FOXN3: variants seen among roughly 807,000 people sequenced by gnomAD.
The protein encoded by FOXN3 is forkhead box protein N3.
A neutral mutation model predicts 38.4 loss-of-function variants in FOXN3; 7 were observed. That is an observed-to-expected ratio of 0.18 (90% CI 0.10 to 0.34). The LOEUF (loss-of-function observed/expected upper bound fraction) is 0.34. Among genes scored for constraint, FOXN3 ranks in the 10% least tolerant of loss-of-function variants. FOXN3 has a pLI of 1.00. For synonymous variants in FOXN3, 230 were observed against 242.2 expected (o/e 0.95, Z 0.47); for missense variants, 456 against 613.4 (o/e 0.74, Z 2.71).
rs1328652289 is a variant in FOXN3 at position 89,337,634 on chromosome 14, TTC to T, written c.680+13036_680+13037del. On this transcript the variant is annotated intron_variant, in intron 3 of 5. Transcript: ENST00000557258. ...CAGCACATTTGCATTCTCTTTTCTT[TTC>T]TTTTTTTTTTTTGAGACGGAGTCTT... Among the ~76,000 whole-genome samples the T allele has an allele frequency of 1.5e-4, 10 of 68,172 alleles. No individual in the cohort carries two copies. In the East Asian group the frequency reaches 2.7e-3, roughly 18 times the overall value. The allele number at this position is 68,172 out of a possible 152,430, so 44.7% of individuals were successfully genotyped here. A position where few individuals can be genotyped will look rare whatever the true frequency, so the allele number is the denominator to read the frequency against.
At chr14:89,573,151 G>A (rs1041648347) in intron 1 of FOXN3, among the ~76,000 whole-genome samples, 1 of 152,188 alleles carries the variant, frequency 6.6e-6, no homozygotes, top group East Asian at 1.9e-4. Context: ...TGCTGCCAAA[G>A]GAAATGAGAA....
At chr14:89,325,289 C>A (rs370869604) in intron 3 of FOXN3, among the ~76,000 whole-genome samples, 14 of 128,732 alleles carry the variant, frequency 1.1e-4, no homozygotes, top group Non-Finnish European at 1.5e-4. Context: ...AACACCAACA[C>A]CACCAACACC....
chr14:89,166,262 G>A (rs1352427817), intron 5 of FOXN3, among the ~76,000 whole-genome samples: 1 of 152,184 alleles, frequency 6.6e-6, no homozygotes, highest in Non-Finnish European at 1.5e-5. Context: ...TAAACAGGGA[G>A]ATTAGCAGCA....
chr14:89,272,410 A>T (rs1353468116), intron 4 of FOXN3, among the ~76,000 whole-genome samples: 4 of 149,684 alleles, frequency 2.7e-5, no homozygotes, highest in Non-Finnish European at 5.9e-5. Context: ...CACTTCAATT[A>T]AAAAAAAAGG....
At chr14:89,502,152 A>C (rs1893814667) in intron 1 of FOXN3, among the ~76,000 whole-genome samples, 1 of 152,176 alleles carries the variant, frequency 6.6e-6, no homozygotes, top group Admixed American at 6.5e-5. Flanking sequence ...ACAAAGCAAG[A>C]CTCCACCTCA....
At position 89,413,948 on chromosome 14, in the gene FOXN3, G is replaced by A. The variant is rs577157290; in HGVS notation, c.-14-1458C>T. ...AAGAAGCGGGAGGGGGAGGAGAAGG[G>A]GGAGGAGGAGGAGGGATGGAGGAGG... On this transcript the variant is annotated intron_variant, in intron 1 of 5. Transcript: ENST00000557258. Among the ~76,000 whole-genome samples, 54 of 136,316 alleles carry A rather than the reference G, an allele frequency of 4.0e-4. 1 individual carries two copies. In the South Asian group the frequency reaches 0.014, roughly 34 times the overall value. The allele number at this position is 136,316 out of a possible 152,430, so 89.4% of individuals were successfully genotyped here.
chr14:89,252,410 T>C (rs1421479506), intron 4 of FOXN3, among the ~76,000 whole-genome samples: 1 of 152,102 alleles, frequency 6.6e-6, no homozygotes, highest in Non-Finnish European at 1.5e-5. Context: ...ATCCCAGCAC[T>C]TTGGGAGGCC....
chr14:89,342,882 C>A (rs546982248), intron 3 of FOXN3, among the ~76,000 whole-genome samples: 1 of 152,120 alleles, frequency 6.6e-6, no homozygotes, highest in Non-Finnish European at 1.5e-5. Flanking sequence ...ATATGAGGGG[C>A]ATTTAAAAAA....
intron 1 of FOXN3, among the ~76,000 whole-genome samples, chr14:89,494,758 T>C (rs767256875): frequency 4.6e-5 from 7 of 152,194 alleles, no homozygotes; most frequent in Non-Finnish European, 7.4e-5. Context: ...AACCCAATAG[T>C]TTTAATTAGG....
rs553584044 is a variant in FOXN3, at chr14:89,503,127, G to A, written c.-14-90637C>T. ...ACAGCAGACACAGCCATTTGAAGAC[G>A]ACAAAGGCTCCTCCCTCCACCCAAA... On this transcript the variant is annotated intron_variant, in intron 1 of 6. Coordinates refer to the FOXN3 transcript ENST00000345097. Among the ~76,000 whole-genome samples the A allele has an allele frequency of 6.6e-5, 10 of 152,206 alleles. No individual in the cohort carries two copies. The East Asian group carries it at 7.7e-4, about 12-fold the overall frequency.
At chr14:89,432,899 T>C (rs577304039) in intron 1 of FOXN3, among the ~76,000 whole-genome samples, 1 of 152,264 alleles carries the variant, frequency 6.6e-6, no homozygotes, top group East Asian at 1.9e-4. Context: ...CAGGTCGGTC[T>C]CAAACTCCTG....
At chr14:89,495,139 T>C (rs1035321016) in intron 1 of FOXN3, among the ~76,000 whole-genome samples, 4 of 152,202 alleles carry the variant, frequency 2.6e-5, no homozygotes, top group African/African-American at 9.6e-5. Flanking sequence ...AATTACATCA[T>C]ATCCCTTGGG....
chr14:89,314,312 A>C (rs1337596576), intron 3 of FOXN3, among the ~76,000 whole-genome samples: 4 of 152,216 alleles, frequency 2.6e-5, no homozygotes, highest in African/African-American at 9.6e-5. Context: ...AATACACTAC[A>C]AAACGATAAA....
At chr14:89,547,151 G>A (rs1307926165) in intron 1 of FOXN3, among the ~76,000 whole-genome samples, 1 of 152,202 alleles carries the variant, frequency 6.6e-6, no homozygotes, top group Non-Finnish European at 1.5e-5. Context: ...TCAGATTGCT[G>A]ATGGGAATGT....
chr14:89,353,797 T>A (rs1889079494), intron 2 of FOXN3: 1 of 152,168 alleles, frequency 6.6e-6, no homozygotes, highest in African/African-American at 2.4e-5. Context: ...TGATGTGATA[T>A]CGGCTCACTG....
chr14:89,366,506 T>TA (rs949674869), intron 2 of FOXN3, among the ~76,000 whole-genome samples: 7 of 152,178 alleles, frequency 4.6e-5, no homozygotes, highest in Non-Finnish European at 1.0e-4. Flanking sequence ...GTGCCTTTTT[T>TA]AAAAAAAAGT....
intron 2 of FOXN3, among the ~76,000 whole-genome samples, chr14:89,363,861 T>C (rs1251200839): frequency 1.3e-5 from 2 of 150,666 alleles, no homozygotes; most frequent in Non-Finnish European, 2.9e-5. Context: ...GGAGGACTGC[T>C]TGAGCCTAGG....
intron 3 of FOXN3, among the ~76,000 whole-genome samples, chr14:89,348,119 C>T (rs1888822881): frequency 6.6e-6 from 1 of 151,940 alleles, no homozygotes; most frequent in African/African-American, 2.4e-5. Flanking sequence ...GCCAAGCACA[C>T]CTGCAAGTCC....
chr14:89,548,851 G>A lies in FOXN3; in HGVS notation c.-15+70177C>T, dbSNP rs1894939582. The stretch of plus-strand genomic sequence containing the variant: ...TTTTTATAATGTGCCGGGCGCGGTG[G>A]CTCACGCCTGTAATCCCAGCACTTT... On this transcript the variant is annotated intron_variant, in intron 1 of 6. Transcript: ENST00000345097. The surrounding 1 kb of genome is among the most constrained non-coding windows in gnomAD (Gnocchi z 4.8). Among the ~76,000 whole-genome samples the A allele has an allele frequency of 6.6e-6, 1 of 152,128 alleles. No homozygotes were observed. Among genetic ancestry groups the A allele is most frequent in the Non-Finnish European group, 1.5e-5 (1 of 68,032 alleles).
Sources: gnomAD v4.1 joint callset for allele counts (sites outside exome capture counted in the v4.1 genomes callset) on GRCh38, gnomAD v4.1.1 for gene constraint, Gnocchi (gnomAD v3.1) non-coding constraint, MANE v1.5 for transcripts, NCBI Gene and HGNC (gene_info 2026-07-23, HGNC 2026-07-21) for gene names.